The following EYS variants were observed in gnomAD, a reference collection of about 807,000 sequenced individuals.
EYS encodes EGF-like photoreceptor maintenance factor.
Under a neutral mutation model 282.1 loss-of-function variants are expected in EYS, and 250 were observed. The observed-to-expected ratio is 0.89, with a 90% CI of 0.80 to 0.98. The LOEUF (loss-of-function observed/expected upper bound fraction) is 0.98, where lower values mean the gene tolerates loss of function less well. Ranked by LOEUF, EYS falls within the 50% of genes least tolerant of loss-of-function variation. The pLI, the probability that EYS is intolerant of heterozygous loss-of-function variation, is 0.00. For synonymous variants in EYS, 1,355 were observed against 1,282.9 expected (o/e 1.06, Z -1.20); for missense variants, 4,016 against 3,709.0 (o/e 1.08, Z -2.15).
chr6:64,788,402 C>T (rs1160519692), intron 22 of EYS, among the ~76,000 whole-genome samples: 1 of 152,174 alleles, frequency 6.6e-6, no homozygotes. Context: ...CCATTAACCC[C>T]AGTTTCCACA....
intron 34 of EYS, among the ~76,000 whole-genome samples, chr6:63,994,253 A>G (rs1767732500): frequency 6.6e-6 from 1 of 151,934 alleles, no homozygotes; most frequent in African/African-American, 2.4e-5. Flanking sequence ...TACACTATAT[A>G]ATTACACGGC....
At chr6:65,334,807 T>A in intron 11 of EYS, 173 bp downstream of exon 11, 1 of 588,686 alleles carries the variant, frequency 1.7e-6, no homozygotes, top group East Asian at 2.9e-5. Flanking sequence ...ACATAACATG[T>A]ATTATGTAAC....
chr6:65,171,643 ACAAT>A (rs1372888704), intron 12 of EYS, among the ~76,000 whole-genome samples: 4 of 151,434 alleles, frequency 2.6e-5, no homozygotes. Context: ...CCAAGAAAAA[ACAAT>A]CAAAACTCTG....
At chr6:64,706,157 A>T (rs1771005442) in intron 22 of EYS, among the ~76,000 whole-genome samples, 1 of 152,126 alleles carries the variant, frequency 6.6e-6, no homozygotes, top group Non-Finnish European at 1.5e-5. Context: ...AGAACCCAGA[A>T]ATAAAGCCAA....
chr6:63,760,953 AT>A (rs1223243729), intron 41 of EYS, among the ~76,000 whole-genome samples: 2 of 151,842 alleles, frequency 1.3e-5, no homozygotes, highest in Non-Finnish European at 2.9e-5. Context: ...ATCTTGGTTA[AT>A]TTTTGAGTAC....
At chr6:65,395,274 G>A (rs1335209368) in intron 7 of EYS, among the ~76,000 whole-genome samples, 1 of 152,132 alleles carries the variant, frequency 6.6e-6, no homozygotes, top group Non-Finnish European at 1.5e-5. Context: ...TGTTGGTCAA[G>A]CTGGTCTTGA....
intron 31 of EYS, among the ~76,000 whole-genome samples, chr6:64,206,388 A>G (rs1168000806): frequency 6.6e-6 from 1 of 152,206 alleles, no homozygotes; most frequent in Non-Finnish European, 1.5e-5. Flanking sequence ...TGTTATTCAA[A>G]TAACTTTTTG....
intron 30 of EYS, among the ~76,000 whole-genome samples, chr6:64,254,812 G>A (rs1767336940): frequency 6.6e-6 from 1 of 152,020 alleles, no homozygotes; most frequent in Admixed American, 6.6e-5. Context: ...TAATACATCT[G>A]TCAATACACT....
intron 29 of EYS, among the ~76,000 whole-genome samples, chr6:64,352,409 T>C (rs1406205339): frequency 2.6e-5 from 4 of 151,594 alleles, no homozygotes; most frequent in Non-Finnish European, 5.9e-5. Flanking sequence ...ATACGTTCAC[T>C]AGTATCTGCA....
chr6:64,196,615 A>C (rs575494541), intron 31 of EYS, among the ~76,000 whole-genome samples: 247 of 152,158 alleles, frequency 1.6e-3, no homozygotes, highest in African/African-American at 5.7e-3. Flanking sequence ...GAAATTGGAA[A>C]TCATCATTCT....
At chr6:65,339,008 A>G (rs1023952844) in intron 10 of EYS, among the ~76,000 whole-genome samples, 3 of 151,230 alleles carry the variant, frequency 2.0e-5, no homozygotes, top group Admixed American at 1.3e-4. Flanking sequence ...ATATTAGTAC[A>G]TAGGGTCACT....
At chr6:65,663,215 T>C (rs1372682633) in intron 1 of EYS, among the ~76,000 whole-genome samples, 1 of 152,130 alleles carries the variant, frequency 6.6e-6, no homozygotes, top group Non-Finnish European at 1.5e-5. Flanking sequence ...TTCATGCTAG[T>C]TTAGAAGTAT....
At chr6:64,660,650 G>C in intron 22 of EYS, among the ~76,000 whole-genome samples, 1 of 152,060 alleles carries the variant, frequency 6.6e-6, no homozygotes, top group East Asian at 1.9e-4. Context: ...GTTTCAAAGA[G>C]AATAAAATAC....
chr6:65,612,820 T>C (rs1410901098), intron 2 of EYS, among the ~76,000 whole-genome samples: 1 of 151,746 alleles, frequency 6.6e-6, no homozygotes, highest in African/African-American at 2.4e-5. Flanking sequence ...TATTAGTTGA[T>C]TGGGAAAAAA....
intron 2 of EYS, among the ~76,000 whole-genome samples, chr6:65,624,403 C>T (rs1766624370): frequency 6.6e-6 from 1 of 152,162 alleles, no homozygotes; most frequent in Non-Finnish European, 1.5e-5. Flanking sequence ...CTGGATTAGA[C>T]AGTTTCAGTC....
chr6:64,271,354 G>T (rs1395539137), intron 30 of EYS, among the ~76,000 whole-genome samples: 1 of 151,872 alleles, frequency 6.6e-6, no homozygotes, highest in African/African-American at 2.4e-5. Context: ...TGTATTATCT[G>T]GGAAATAATC....
At chr6:64,190,662 G>A (rs146696701) in intron 31 of EYS, among the ~76,000 whole-genome samples, 6 of 152,230 alleles carry the variant, frequency 3.9e-5, no homozygotes, top group African/African-American at 1.4e-4. Context: ...TTGTGACAGC[G>A]ATGAGACTGG....
intron 7 of EYS, among the ~76,000 whole-genome samples, chr6:65,393,584 G>T (rs1473751261): frequency 6.6e-6 from 1 of 152,106 alleles, no homozygotes; most frequent in Non-Finnish European, 1.5e-5. Context: ...TTCTGCAAAT[G>T]CAGTGTCTTA....
At chr6:65,271,006 C>T (rs764141626) in intron 12 of EYS, among the ~76,000 whole-genome samples, 3 of 151,220 alleles carry the variant, frequency 2.0e-5, no homozygotes, top group Admixed American at 6.6e-5. Context: ...CTTCTTTCAG[C>T]TTCTATCCAT....
Sources: gnomAD v4.1 joint callset for allele counts (sites outside exome capture counted in the v4.1 genomes callset) on GRCh38, gnomAD v4.1.1 for gene constraint, MANE v1.5 for transcripts, NCBI Gene and HGNC (gene_info 2026-07-23, HGNC 2026-07-21) for gene names.